CDHR2: variants seen among roughly 807,000 people sequenced by gnomAD.
CDHR2 encodes cadherin-related family member 2.
A neutral mutation model predicts 138.6 loss-of-function variants in CDHR2; 104 were observed. That is an observed-to-expected ratio of 0.75 (90% CI 0.64 to 0.88). CDHR2 has a LOEUF of 0.88. Among genes scored for constraint, CDHR2 ranks in the 40% least tolerant of loss-of-function variants. The pLI, the probability that CDHR2 is intolerant of heterozygous loss-of-function variation, is 0.00. For synonymous variants in CDHR2, 755 were observed against 742.8 expected, an observed-to-expected ratio of 1.02 and a Z score of -0.27; for missense variants, 1,624 against 1,727.6, an observed-to-expected ratio of 0.94 and a Z score of 1.06.
At position 176,595,708 on chromosome 5, in the gene CDHR2, C is replaced by T. The variant is rs368523225; in HGVS notation, c.*36C>T. ...CACTCTTCTGGACCCCTTGAAGAGG[C>T]CCTACCACACCCTAACTGCACCTGT... On this transcript the variant is annotated 3_prime_UTR_variant, in exon 32 of 32. Coordinates refer to ENST00000261944, the MANE Select transcript of CDHR2 (RefSeq NM_017675.6). 4.7e-5 allele frequency: 70 copies of T among 1,482,620 alleles called. No homozygotes were observed. The highest frequency in any genetic ancestry group is 2.0e-4 in the Middle Eastern group (1 of 5,052). 91.8% of individuals were successfully genotyped at this position (1,482,620 alleles called of 1,614,324 possible).
chr5:176,580,812 G>A (rs1758514147), intron 16 of CDHR2, among the ~76,000 whole-genome samples: 1 of 152,158 alleles, frequency 6.6e-6, no homozygotes, highest in African/African-American at 2.4e-5. Flanking sequence ...AGGAGAAGGA[G>A]TTTGCAGTGA....
At chr5:176,574,488 T>C (rs1561873474) in intron 7 of CDHR2, among the ~76,000 whole-genome samples, 2 of 152,204 alleles carry the variant, frequency 1.3e-5, no homozygotes, top group African/African-American at 4.8e-5. Flanking sequence ...GATAGCGCCA[T>C]TTACCGAGCA....
intron 20 of CDHR2, 87 bp from the exon 21 acceptor site, chr5:176,586,706 T>G: frequency 4.1e-6 from 5 of 1,234,022 alleles, no homozygotes; most frequent in Non-Finnish European, 5.8e-6. Context: ...TTTAGGGGGA[T>G]GAGCCCTGAG....
chr5:176,543,672 C>T lies in CDHR2; in HGVS notation c.-16+903C>T, dbSNP rs905852430. 1 of 152,268 alleles carries T rather than the reference C, an allele frequency of 6.6e-6. No individual in the cohort carries two copies. The highest frequency in any genetic ancestry group is 2.4e-5 in the African/African-American group (1 of 41,464). The allele number at this position is 152,268 out of a possible 1,614,324, so 9.4% of individuals were successfully genotyped here. On this transcript the variant is annotated intron_variant, in intron 1 of 31. Transcript: ENST00000510636. This position sits in a 1 kb window ranked among gnomAD's most constrained non-coding sequence, Gnocchi z 4.0. ...CCCATGGTCGTTCAGAGAATCTTCG[C>T]TTCCCGGAGAGTGTGTCCCCTCCCC...
chr5:176,585,798 ACGGGGT>A (rs1758648085), intron 19 of CDHR2, among the ~76,000 whole-genome samples, 150 bp from the exon 20 acceptor site: 2 of 150,784 alleles, frequency 1.3e-5, no homozygotes, highest in African/African-American at 2.4e-5. Context: ...GCTGCGGGGC[ACGGGGT>A]TGAGGCTGCG....
In CDHR2 at chr5:176,584,990, C is replaced by T. The variant is rs150608653; in HGVS notation, c.2709C>T (p.Pro903=). The T allele has an allele frequency of 9.4e-5, 145 of 1,547,588 alleles. No homozygotes were observed. The highest frequency in any genetic ancestry group is 6.8e-5 in the African/African-American group (5 of 73,004). The change falls in exon 19 of 32, where the codon CCC becomes CCT. Residue 903 remains proline (P), a synonymous_variant. Coordinates refer to ENST00000261944, the MANE Select transcript of CDHR2 (RefSeq NM_017675.6). ...GGGCCTGTGACCTAGCCACGGACCC[C>T]GGCTTCCAGGCCTACAGCAACAATG... is the stretch of plus-strand genomic sequence containing the variant. The part of the protein sequence containing the change: ...VVRACDLATD[P]GFQAYSNNGS...
Position 176,543,979 on chromosome 5 carries a change from C to T in CDHR2, c.-16+1210C>T, listed in dbSNP as rs1244556433. 6.6e-6 allele frequency among the ~76,000 whole-genome samples: 1 copy of T among 152,236 alleles called. No homozygotes were observed. The highest frequency in any genetic ancestry group is 1.5e-5 in the Non-Finnish European group (1 of 68,036). Reference sequence around the variant, plus strand: ...CAGCTCAGGCCGCGGGTCCCGGCGCCGGAGGGTAGCCCCACCGTCCCCGCC... The same window carrying T: ...CAGCTCAGGCCGCGGGTCCCGGCGCTGGAGGGTAGCCCCACCGTCCCCGCC... On this transcript the variant is annotated intron_variant, in intron 1 of 31. Coordinates refer to the CDHR2 transcript ENST00000510636. The surrounding 1 kb of genome is among the most constrained non-coding windows in gnomAD (Gnocchi z 4.0).
At position 176,581,515 on chromosome 5, in the gene CDHR2, C is replaced by A. The variant is rs966336240; in HGVS notation, c.1991C>A (p.Thr664Lys). 6.2e-7 allele frequency: 1 copy of A among 1,614,060 alleles called. No homozygotes were observed. Among genetic ancestry groups the A allele is most frequent in the Admixed American group, 1.7e-5 (1 of 60,012 alleles). Residue 664 changes from threonine to lysine, a missense_variant, in exon 17 of 32, where the codon ACA becomes AAA. Around this residue, in one of 3 missense-constraint regions of CDHR2, gnomAD observed 1,061 missense variants for 1,136.6 expected, o/e 0.93. Transcript: ENST00000261944. ...DPALEGRIVL[T>K]VLVSDCGEPV... ...GCCCTGGAGGGCCGCATTGTGCTGA[C>A]AGTGCTTGTGTCTGACTGCGGCGAG...
intron 21 of CDHR2, among the ~76,000 whole-genome samples, chr5:176,588,660 TGA>T (rs1343692463): frequency 1.5e-3 from 219 of 149,696 alleles, no homozygotes; most frequent in Admixed American, 2.8e-3. Flanking sequence ...GGACAGTGTG[TGA>T]GAGTGTGTGT....
chr5:176,585,106 C>T lies in CDHR2; in HGVS notation c.2734+91C>T, dbSNP rs2113318047. The T allele has an allele frequency of 3.6e-6, 5 of 1,395,784 alleles. No homozygotes were observed. In the South Asian group the frequency reaches 5.9e-5, roughly 16 times the overall value. The allele number at this position is 1,395,784 out of a possible 1,614,324, so 86.5% of individuals were successfully genotyped here. A position where few individuals can be genotyped will look rare whatever the true frequency, so the allele number is the denominator to read the frequency against. ...GGCTGGAACTCACAAGGTCTGGGCT[C>T]AGATCTTGGCTCCAGCCCTTTCCAG... On this transcript the variant is annotated intron_variant, in intron 19 of 31. Transcript: ENST00000261944.
chr5:176,585,906 G>A, intron 19 of CDHR2, 48 bp from the exon 20 acceptor site: 2 of 1,459,264 alleles, frequency 1.4e-6, no homozygotes. Context: ...CAGGCTCTTT[G>A]GGTCAAGCTT....
chr5:176,590,300 G>A lies in CDHR2; in HGVS notation c.3323G>A (p.Gly1108Glu). ...GATGCCTACTTTGTCTTCCCCAATG[G>A]GTCAGCCCTGACCCTTGATGAGCTG... ...YLDAYFVFPNGSALTLDELSV... is the reference protein window; with the variant it reads ...YLDAYFVFPNESALTLDELSV... The change falls in exon 26 of 32, where the codon GGG becomes GAG. Residue 1108 changes from glycine to glutamate, a missense_variant. Gly to Glu is a moderately conservative substitution (Grantham distance 98). Coordinates refer to ENST00000261944, the MANE Select transcript of CDHR2 (RefSeq NM_017675.6). The A allele has an allele frequency of 6.2e-7, 1 of 1,614,152 alleles. No homozygotes were observed. Among genetic ancestry groups the A allele is most frequent in the Non-Finnish European group, 8.5e-7 (1 of 1,180,022 alleles).
At chr5:176,585,623 T>C (rs767007032) in intron 19 of CDHR2, among the ~76,000 whole-genome samples, 1 of 152,242 alleles carries the variant, frequency 6.6e-6, no homozygotes, top group African/African-American at 2.4e-5. Context: ...CCCACCACTA[T>C]TGCTGTGTGA....
rs776669151 is a variant in CDHR2, at chr5:176,575,409, G to A, written c.751G>A (p.Ala251Thr). The change falls in exon 9 of 32, where the codon GCT (alanine) becomes ACT (threonine). Residue 251 changes from alanine to threonine, a missense_variant. Coordinates refer to ENST00000261944, the MANE Select transcript of CDHR2 (RefSeq NM_017675.6). ...FVREFYSASV[A>T]EDAAKGTSVL... ...CAGGGAGTTTTACTCGGCCTCTGTG[G>A]CTGAGGATGCAGCCAAGGTGCACGG... 1.2e-6 allele frequency: 2 copies of A among 1,614,126 alleles called. No homozygotes were observed. The highest frequency in any genetic ancestry group is 1.7e-6 in the Non-Finnish European group (2 of 1,180,052).
intron 1 of CDHR2, among the ~76,000 whole-genome samples, chr5:176,560,315 G>A (rs1757936411): frequency 6.6e-6 from 1 of 151,944 alleles, no homozygotes; most frequent in South Asian, 2.1e-4. Flanking sequence ...AGAATCACTT[G>A]AACCCAGGGG....
upstream of CDHR2, among the ~76,000 whole-genome samples, chr5:176,548,121 A>G (rs1208730151): frequency 6.6e-6 from 1 of 152,204 alleles, no homozygotes; most frequent in Non-Finnish European, 1.5e-5. Flanking sequence ...ACTGTAACAC[A>G]GGGGTAAGTA....
chr5:176,550,849 G>A (rs1474050094), intron 1 of CDHR2, among the ~76,000 whole-genome samples: 2 of 152,070 alleles, frequency 1.3e-5, no homozygotes, highest in East Asian at 3.9e-4. Context: ...TTGGCACCGT[G>A]GACTGCTCTG....
upstream of CDHR2, chr5:176,547,722 C>T (rs1379778691): frequency 6.6e-6 from 1 of 152,240 alleles, no homozygotes; most frequent in Non-Finnish European, 1.5e-5. Flanking sequence ...AGCAGTGCCC[C>T]CAGCTCAAGA....
Position 176,589,336 on chromosome 5 carries a change from G to C in CDHR2, c.3015G>C (p.Val1005=), listed in dbSNP as rs1420383291. 1 of 1,554,884 alleles carries C rather than the reference G, an allele frequency of 6.4e-7. No homozygotes were observed. The highest frequency in any genetic ancestry group is 8.7e-7 in the Non-Finnish European group (1 of 1,149,680). Residue 1005 remains valine, a synonymous_variant, in exon 23 of 32, where the codon GTG becomes GTC. Coordinates refer to ENST00000261944, the MANE Select transcript of CDHR2 (RefSeq NM_017675.6). ...CGCCTCCCGCCTTCCGCAGGCCGGT[G>C]ACCAGCCTCGACTCCACTCTCCAAG... ...ADVFAGSIQP[V]TSLDSTLQGT...
Sources: allele counts gnomAD v4.1 joint callset (sites outside exome capture counted in the v4.1 genomes callset), GRCh38; gene constraint gnomAD v4.1.1; regional missense constraint gnomAD v4.1.1; non-coding constraint Gnocchi (gnomAD v3.1); transcripts MANE v1.5; gene names NCBI Gene and HGNC (gene_info 2026-07-23, HGNC 2026-07-21).